Variants in CUBN observed in about 807,000 individuals in gnomAD.
CUBN encodes the protein cubilin.
In CUBN, 282 loss-of-function variants were observed where a neutral mutation model predicts 405.3. The ratio of observed to expected loss-of-function variants is 0.70; its 90% CI spans 0.63 to 0.77. CUBN has a LOEUF of 0.77. Among genes scored for constraint, CUBN ranks in the 30% least tolerant of loss-of-function variants. The pLI is 0.00. For synonymous variants in CUBN, 1,684 were observed against 1,617.0 expected (o/e 1.04, Z -0.99); for missense variants, 4,514 against 4,475.2 (o/e 1.01, Z -0.25).
rs11254278 is a variant in CUBN at position 16,925,326 on chromosome 10, C to T, written c.6561G>A (p.Ser2187=). 0.012 allele frequency: 19,994 copies of T among 1,613,734 alleles called. 502 individuals are homozygous for T. Among genetic ancestry groups the T allele is most frequent in the East Asian group, 0.12 (5,336 of 44,846 alleles). ...TAAACTGAACAAACATTTGATTATC[C>T]GAGGTGAACAGAGTTGATGAAGCAT... The part of the protein sequence containing the change: ...GSHASSTLFT[S]DNQMFVQFIS... The change falls in exon 43 of 67, where the codon TCG becomes TCA. Residue 2187 remains serine (S), a synonymous_variant. Transcript: ENST00000377833.
intron 29 of CUBN, among the ~76,000 whole-genome samples, chr10:16,990,094 G>A (rs1344983633): frequency 2.0e-5 from 3 of 152,196 alleles, no homozygotes; most frequent in Non-Finnish European, 2.9e-5. Flanking sequence ...CCTGGGCTCC[G>A]GCTTCCTGGC....
chr10:17,049,061 T>C (rs773472087), intron 22 of CUBN, among the ~76,000 whole-genome samples: 3 of 152,182 alleles, frequency 2.0e-5, no homozygotes, highest in Non-Finnish European at 2.9e-5. Flanking sequence ...TATAGAAAAG[T>C]ATGCTTCTCT....
intron 51 of CUBN, among the ~76,000 whole-genome samples, chr10:16,902,010 C>A: frequency 9.7e-6 from 1 of 103,154 alleles, no homozygotes; most frequent in Admixed American, 1.3e-4. Context: ...TATATATACA[C>A]ACACACCATA....
At chr10:16,853,362 T>G (rs901200755) in intron 59 of CUBN, among the ~76,000 whole-genome samples, 4 of 152,252 alleles carry the variant, frequency 2.6e-5, no homozygotes, top group African/African-American at 9.6e-5. Flanking sequence ...TCTATTTTTC[T>G]CATTCCATTT....
intron 60 of CUBN, among the ~76,000 whole-genome samples, chr10:16,844,215 G>A (rs892892241): frequency 6.8e-6 from 1 of 147,542 alleles, no homozygotes; most frequent in South Asian, 2.1e-4. Context: ...GTTGCAGTGA[G>A]CCAAGATCGC....
intron 14 of CUBN, among the ~76,000 whole-genome samples, chr10:17,089,675 G>A (rs1564511339): frequency 6.6e-6 from 1 of 152,166 alleles, no homozygotes; most frequent in Non-Finnish European, 1.5e-5. Context: ...CACTACATAA[G>A]AGAATATAGC....
rs1233870591 is a variant in CUBN, at chr10:17,023,399, C to T, written c.4018-3416G>A. Reference sequence around the variant, plus strand: ...AAAAGGAAAAAAAAAAAAACTCATACCTCGTTTTTTAAAGTTTGCCGTTAA... The same window carrying T: ...AAAAGGAAAAAAAAAAAAACTCATATCTCGTTTTTTAAAGTTTGCCGTTAA... On this transcript the variant is annotated intron_variant, in intron 27 of 66. Transcript: ENST00000377833. Among the ~76,000 whole-genome samples the T allele has an allele frequency of 2.0e-5, 3 of 151,456 alleles. No individual in the cohort carries two copies. The East Asian group carries it at 5.8e-4, about 29-fold the overall frequency.
intron 51 of CUBN, among the ~76,000 whole-genome samples, chr10:16,902,260 T>C: frequency 7.2e-6 from 1 of 139,072 alleles, no homozygotes; most frequent in South Asian, 2.1e-4. Flanking sequence ...GTATATATAG[T>C]ATATATATAT....
At chr10:16,929,168 T>TA (rs1842297787) in intron 40 of CUBN, among the ~76,000 whole-genome samples, 2 of 152,174 alleles carry the variant, frequency 1.3e-5, no homozygotes, top group Non-Finnish European at 1.5e-5. Context: ...TGTTTTGGTA[T>TA]AAAAACAACC....
At chr10:16,987,815 G>C (rs1833469302) in intron 29 of CUBN, among the ~76,000 whole-genome samples, 1 of 152,164 alleles carries the variant, frequency 6.6e-6, no homozygotes, top group Non-Finnish European at 1.5e-5. Context: ...TTGCAGAAAA[G>C]CAAAACAAGG....
chr10:17,003,198 A>G (rs1194497189), intron 28 of CUBN, among the ~76,000 whole-genome samples: 1 of 152,220 alleles, frequency 6.6e-6, no homozygotes, highest in African/African-American at 2.4e-5. Flanking sequence ...CTTATCTGAC[A>G]TCAAATTCTT....
At chr10:17,128,040 C>A in intron 2 of CUBN, 116 bp from the exon 3 acceptor site, 3 of 702,236 alleles carry the variant, frequency 4.3e-6, no homozygotes, top group Admixed American at 2.7e-5. Flanking sequence ...TAAGATCTTG[C>A]CTATTATTAT....
At chr10:16,957,514 A>G (rs112266059) in intron 31 of CUBN, among the ~76,000 whole-genome samples, 102 of 152,322 alleles carry the variant, frequency 6.7e-4, no homozygotes, top group African/African-American at 2.2e-3. Context: ...CAACATCACT[A>G]ATCACCAGTG....
chr10:16,826,729 C>G (rs1030227929), intron 66 of CUBN, among the ~76,000 whole-genome samples: 4 of 152,208 alleles, frequency 2.6e-5, no homozygotes, highest in Non-Finnish European at 5.9e-5. Context: ...GCCGTCACTT[C>G]TCTCAGTGAC....
At chr10:16,921,501 C>T (rs1332755314) in intron 43 of CUBN, among the ~76,000 whole-genome samples, 3 of 152,174 alleles carry the variant, frequency 2.0e-5, no homozygotes, top group African/African-American at 2.4e-5. Flanking sequence ...CTCATGTTCT[C>T]CCAAGTCACC....
rs554973263 is a variant in CUBN at position 17,097,157 on chromosome 10, G to A, written c.1765+2848C>T. On this transcript the variant is annotated intron_variant, in intron 14 of 66. Transcript: ENST00000377833. Reference sequence around the variant, plus strand: ...GAAAACATTAACGGAGCCAATAGTTGGAATTTTGAAAACATTAGTAAAACT... The same window carrying A: ...GAAAACATTAACGGAGCCAATAGTTAGAATTTTGAAAACATTAGTAAAACT... Among the ~76,000 whole-genome samples, 9 of 151,996 alleles carry A rather than the reference G, an allele frequency of 5.9e-5. No individual in the cohort carries two copies. In the East Asian group the frequency reaches 9.7e-4, roughly 16 times the overall value.
chr10:16,957,110 G>C lies in CUBN; in HGVS notation c.4696-2562C>G, dbSNP rs576244615. 3.3e-5 allele frequency among the ~76,000 whole-genome samples: 5 copies of C among 152,222 alleles called. No homozygotes were observed. The East Asian group carries it at 5.8e-4, about 18-fold the overall frequency. Reference sequence around the variant, plus strand: ...TATTGTTTACTGTGGGTGCCCTACTGTGTTATAGAACATCAGAACTTATTC... The same window carrying C: ...TATTGTTTACTGTGGGTGCCCTACTCTGTTATAGAACATCAGAACTTATTC... On this transcript the variant is annotated intron_variant, in intron 31 of 66. Coordinates refer to ENST00000377833, the MANE Select transcript of CUBN (RefSeq NM_001081.4).
rs971682463 is a variant in CUBN, at chr10:17,041,202, A to G, written c.3848T>C (p.Ile1283Thr). ...EYRQTCENVVIVNQTYGILES... is the reference protein window; with the variant it reads ...EYRQTCENVVTVNQTYGILES... ...TAAGATGCCATAGGTTTGATTGACT[A>G]TTACCACATTCTCACATGCTGGAAA... The change falls in exon 27 of 67, where the codon ATA (isoleucine) becomes ACA (threonine). Residue 1283 changes from isoleucine to threonine, a missense_variant. By Grantham distance (89) the Ile-to-Thr change is moderately conservative (BLOSUM62 -1). This residue lies in a region of CUBN where 242 missense variants were observed against 309.0 expected (regional missense o/e 0.78). Coordinates refer to ENST00000377833, the MANE Select transcript of CUBN (RefSeq NM_001081.4). The G allele has an allele frequency of 4.3e-6, 7 of 1,613,536 alleles. No individual in the cohort carries two copies. The highest frequency in any genetic ancestry group is 5.9e-6 in the Non-Finnish European group (7 of 1,179,502).
chr10:17,088,450 A>T, intron 14 of CUBN, 105 bp from the exon 15 acceptor site: 1 of 900,092 alleles, frequency 1.1e-6, no homozygotes, highest in Admixed American at 2.1e-5. Context: ...TTAAATAACT[A>T]TGAGCAGTTT....
Sources: allele counts gnomAD v4.1 joint callset (sites outside exome capture counted in the v4.1 genomes callset), GRCh38; gene constraint gnomAD v4.1.1; regional missense constraint gnomAD v4.1.1; transcripts MANE v1.5; gene names NCBI Gene and HGNC (gene_info 2026-07-23, HGNC 2026-07-21).